CHST15: variants seen among roughly 807,000 people sequenced by gnomAD.
The protein encoded by CHST15 is B cell RAG associated protein (GALNAC4S-6ST).
CHST15 carries 30 observed loss-of-function variants against 53.6 expected under a neutral mutation model. That is an observed-to-expected ratio of 0.56 (90% CI 0.42 to 0.76). The LOEUF (loss-of-function observed/expected upper bound fraction) is 0.76, where lower values mean the gene tolerates loss of function less well. Among genes scored for constraint, CHST15 ranks in the 30% least tolerant of loss-of-function variants. CHST15 has a pLI of 0.00. For missense variants in CHST15, 627 were observed against 740.5 expected, an observed-to-expected ratio of 0.85 and a Z score of 1.78; for synonymous variants, 296 against 289.8, an observed-to-expected ratio of 1.02 and a Z score of -0.22.
chr10:124,032,556 G>A (rs1420720158), intron 5 of CHST15, among the ~76,000 whole-genome samples: 1 of 152,182 alleles, frequency 6.6e-6, no homozygotes, highest in African/African-American at 2.4e-5. Context: ...AGAGGCAGGA[G>A]GCTAATGTGA....
chr10:124,030,628 C>T (rs1947189907), intron 5 of CHST15, among the ~76,000 whole-genome samples: 2 of 152,182 alleles, frequency 1.3e-5, no homozygotes, highest in South Asian at 4.1e-4. Context: ...ATAATGAATC[C>T]CTCAGTGCTA....
chr10:124,080,690 T>G (rs1439697050), intron 1 of CHST15, among the ~76,000 whole-genome samples: 2 of 152,214 alleles, frequency 1.3e-5, no homozygotes, highest in Non-Finnish European at 2.9e-5. Context: ...AATGTTCTTC[T>G]TGATCAAAGC....
intron 1 of CHST15, among the ~76,000 whole-genome samples, chr10:124,054,568 T>C (rs1463905407): frequency 6.6e-6 from 1 of 152,156 alleles, no homozygotes; most frequent in Non-Finnish European, 1.5e-5. Flanking sequence ...AGATGGGATG[T>C]AGGAAAAATG....
chr10:124,034,335 T>C (rs755846679), intron 5 of CHST15, among the ~76,000 whole-genome samples: 22 of 152,228 alleles, frequency 1.4e-4, no homozygotes, highest in Non-Finnish European at 2.5e-4. Flanking sequence ...ACTGTGAGCC[T>C]CCTTCTAGCT....
At chr10:124,083,968 G>T (rs1405411432) in intron 1 of CHST15, among the ~76,000 whole-genome samples, 1 of 152,240 alleles carries the variant, frequency 6.6e-6, no homozygotes, top group African/African-American at 2.4e-5. Context: ...GAGGAAGATG[G>T]TCCTTCCCAA....
chr10:124,012,205 A>G, intron 7 of CHST15, 128 bp downstream of exon 7: 1 of 1,037,208 alleles, frequency 9.6e-7, no homozygotes, highest in East Asian at 2.5e-5. Flanking sequence ...CCTGAAGGAC[A>G]TCCCCAGGCC....
At chr10:124,023,729 A>G (rs1013906350) in intron 5 of CHST15, among the ~76,000 whole-genome samples, 1 of 151,804 alleles carries the variant, frequency 6.6e-6, no homozygotes, top group African/African-American at 2.4e-5. Context: ...AAAGCTCTAT[A>G]CTTTCTATTC....
intron 5 of CHST15, among the ~76,000 whole-genome samples, chr10:124,029,958 C>G (rs1040398878): frequency 6.6e-6 from 1 of 152,248 alleles, no homozygotes; most frequent in Non-Finnish European, 1.5e-5. Context: ...ACAGACACAA[C>G]GGAGCTCTTT....
intron 1 of CHST15, among the ~76,000 whole-genome samples, chr10:124,069,092 T>C (rs928196626): frequency 2.0e-5 from 3 of 152,194 alleles, no homozygotes; most frequent in African/African-American, 4.8e-5. Flanking sequence ...GGACAGTCCC[T>C]TGTCTCTGCA....
Position 124,044,768 on chromosome 10 carries a change from C to T in CHST15, c.698G>A (p.Arg233His), listed in dbSNP as rs1228198265. ...KRFRSTFDAL[R>H]KAFWGHLAHA... ...CGCCAGGTGGCCCCAGAAGGCCTTG[C>T]GCAGGGCGTCGAAGGTGGAGCGGAA... Residue 233 changes from arginine (R) to histidine (H), a missense_variant, in exon 3 of 8, where the codon CGC becomes CAC. Around this residue, in one of 3 missense-constraint regions of CHST15, gnomAD observed 161 missense variants for 117.2 expected, o/e 1.37. Transcript: ENST00000435907. The T allele has an allele frequency of 1.2e-6, 2 of 1,611,632 alleles. No homozygotes were observed. Among genetic ancestry groups the T allele is most frequent in the East Asian group, 2.2e-5 (1 of 44,732 alleles).
At chr10:124,031,466 C>T (rs536998612) in intron 5 of CHST15, among the ~76,000 whole-genome samples, 1 of 152,222 alleles carries the variant, frequency 6.6e-6, no homozygotes, top group Non-Finnish European at 1.5e-5. Context: ...CCTATGCTGT[C>T]AGCCTGTACC....
At chr10:124,078,229 C>T (rs1949134460) in intron 1 of CHST15, among the ~76,000 whole-genome samples, 1 of 152,142 alleles carries the variant, frequency 6.6e-6, no homozygotes, top group African/African-American at 2.4e-5. Context: ...AAGGAGGGAG[C>T]CCGGCAAGGT....
Position 124,037,281 on chromosome 10 carries a change from T to A in CHST15, c.1190+1234A>T, listed in dbSNP as rs1947532982. On this transcript the variant is annotated intron_variant, in intron 5 of 7. Transcript: ENST00000435907. ...TTTTTGGGGGGCACAATTCAATCCA[T>A]AAGAAGATGTAGTTGGCCCAAAGGA... is the stretch of plus-strand genomic sequence containing the variant. 2.0e-5 allele frequency among the ~76,000 whole-genome samples: 3 copies of A among 152,182 alleles called. No homozygotes were observed. In the South Asian group the frequency reaches 6.2e-4, roughly 32 times the overall value.
intron 4 of CHST15, among the ~76,000 whole-genome samples, chr10:124,040,042 C>T (rs545179603): frequency 1.3e-5 from 2 of 152,056 alleles, no homozygotes; most frequent in East Asian, 3.9e-4. Context: ...GAGATAATAC[C>T]CTAGGATACA....
chr10:124,049,133 T>G (rs1948102770), intron 1 of CHST15, among the ~76,000 whole-genome samples: 1 of 152,234 alleles, frequency 6.6e-6, no homozygotes, highest in African/African-American at 2.4e-5. Flanking sequence ...ATTCATTCAT[T>G]TGTTCAACAA....
At chr10:124,027,141 C>G (rs1947042633) in intron 5 of CHST15, among the ~76,000 whole-genome samples, 1 of 152,212 alleles carries the variant, frequency 6.6e-6, no homozygotes, top group South Asian at 2.1e-4. Context: ...GCATTCCAGG[C>G]CTTCTGTGCT....
intron 5 of CHST15, among the ~76,000 whole-genome samples, chr10:124,026,246 C>T (rs527674815): frequency 3.9e-5 from 6 of 152,282 alleles, no homozygotes; most frequent in South Asian, 4.1e-4. Flanking sequence ...CAGGGGAGCA[C>T]TGAGACGGGG....
intron 1 of CHST15, among the ~76,000 whole-genome samples, chr10:124,081,193 G>A (rs1434078315): frequency 6.6e-6 from 1 of 152,214 alleles, no homozygotes; most frequent in African/African-American, 2.4e-5. Flanking sequence ...GGACAAATGA[G>A]GCTCATTCCT....
At chr10:124,011,416 T>A in intron 7 of CHST15, 2 of 985,092 alleles carry the variant, frequency 2.0e-6, no homozygotes, top group Non-Finnish European at 2.4e-6. Flanking sequence ...CTCATCAAAC[T>A]CCAAAAAAAG....
Sources: allele counts gnomAD v4.1 joint callset (sites outside exome capture counted in the v4.1 genomes callset), GRCh38; gene constraint gnomAD v4.1.1; regional missense constraint gnomAD v4.1.1; transcripts MANE v1.5; gene names NCBI Gene and HGNC (gene_info 2026-07-23, HGNC 2026-07-21).